The following GRM7 variants were observed in gnomAD, a reference collection of about 807,000 sequenced individuals.
The protein encoded by GRM7 is metabotropic glutamate receptor 7.
Under a neutral mutation model 84.5 loss-of-function variants are expected in GRM7, and 35 were observed. The observed-to-expected ratio is 0.41, with a 90% confidence interval of 0.32 to 0.55. GRM7 has a LOEUF of 0.55. Among genes scored for constraint, GRM7 ranks in the 20% least tolerant of loss-of-function variants. The pLI is 0.19. For missense variants in GRM7, 1,003 were observed against 1,194.6 expected, an observed-to-expected ratio of 0.84 and a Z score of 2.36; for synonymous variants, 487 against 455.1, an observed-to-expected ratio of 1.07 and a Z score of -0.89.
At chr3:7,237,338 T>C (rs1697382145) in intron 2 of GRM7, among the ~76,000 whole-genome samples, 1 of 152,182 alleles carries the variant, frequency 6.6e-6, no homozygotes, top group Non-Finnish European at 1.5e-5. Flanking sequence ...AGCTAGTGAA[T>C]AATCATTATT....
intron 7 of GRM7, among the ~76,000 whole-genome samples, chr3:7,527,554 A>C (rs1197319347): frequency 2.0e-5 from 3 of 152,000 alleles, no homozygotes; most frequent in African/African-American, 7.2e-5. Flanking sequence ...TAGGACTTCC[A>C]GTATTAACAT....
intron 7 of GRM7, among the ~76,000 whole-genome samples, chr3:7,490,599 G>A (rs187421583): frequency 0.014 from 2,023 of 142,606 alleles, 37 homozygotes; most frequent in African/African-American, 0.047. Context: ...TATCCCCTTA[G>A]TGCCCCTCGA....
chr3:7,730,147 A>G (rs147494580), intron 9 of GRM7, among the ~76,000 whole-genome samples: 1,683 of 145,584 alleles, frequency 0.012, 22 homozygotes, highest in Middle Eastern at 0.022. Context: ...TGCTGGGATT[A>G]CAGGCGCCCA....
At position 7,360,867 on chromosome 3, in the gene GRM7, C is replaced by T. The variant is rs530786262; in HGVS notation, c.1034-54156C>T. On this transcript the variant is annotated intron_variant, in intron 4 of 9. Transcript: ENST00000357716. ...TCTTTTCTTCCTTTCTTCCTTTATT[C>T]TCTTTTTTTCCTGTCCCATGAAATC... 7.9e-5 allele frequency among the ~76,000 whole-genome samples: 12 copies of T among 152,200 alleles called. No individual in the cohort carries two copies. In the East Asian group the frequency reaches 2.3e-3, roughly 29 times the overall value.
intron 1 of GRM7, among the ~76,000 whole-genome samples, chr3:7,140,944 A>C (rs1693926069): frequency 1.3e-5 from 2 of 151,982 alleles, no homozygotes; most frequent in Non-Finnish European, 2.9e-5. Context: ...TCTAAATCTA[A>C]AGAAATGTCC....
intron 9 of GRM7, among the ~76,000 whole-genome samples, chr3:7,734,252 G>GT (rs775153985): frequency 1.8e-5 from 2 of 110,152 alleles, no homozygotes; most frequent in Non-Finnish European, 3.8e-5. Context: ...AGGGGCGGGG[G>GT]GGGGGTTTCC....
Position 6,998,163 on chromosome 3 carries a change from C to A in GRM7, c.519+136256C>A, listed in dbSNP as rs1385542458. 1.8e-4 allele frequency among the ~76,000 whole-genome samples: 19 copies of A among 105,886 alleles called. 1 individual carries two copies. The highest frequency in any genetic ancestry group is 5.6e-4 in the African/African-American group (16 of 28,578). 69.5% of individuals were successfully genotyped at this position (105,886 alleles called of 152,430 possible). A position where few individuals can be genotyped will look rare whatever the true frequency, so the allele number is the denominator to read the frequency against. ...AAGCAGGTTAGTTACCTCCTAGATA[C>A]AATGAGGGTACAGGCATTGGTTAAA... is the stretch of plus-strand genomic sequence containing the variant. On this transcript the variant is annotated intron_variant, in intron 1 of 9. Transcript: ENST00000357716.
At chr3:7,423,724 T>A (rs1696491199) in intron 5 of GRM7, among the ~76,000 whole-genome samples, 2 of 151,924 alleles carry the variant, frequency 1.3e-5, no homozygotes, top group Admixed American at 1.3e-4. Flanking sequence ...TATTTATTTT[T>A]CTACAGAATA....
chr3:7,215,856 C>A (rs1248460427), intron 2 of GRM7, among the ~76,000 whole-genome samples: 1 of 152,102 alleles, frequency 6.6e-6, no homozygotes, highest in East Asian at 1.9e-4. Flanking sequence ...AACACAACGT[C>A]TTAGAAAATT....
At chr3:7,217,236 A>G (rs1696644901) in intron 2 of GRM7, among the ~76,000 whole-genome samples, 1 of 152,192 alleles carries the variant, frequency 6.6e-6, no homozygotes, top group Non-Finnish European at 1.5e-5. Context: ...GAGTCTGCTG[A>G]TGTGATTCAG....
chr3:7,382,586 A>C (rs1694632139), intron 4 of GRM7, among the ~76,000 whole-genome samples: 1 of 152,216 alleles, frequency 6.6e-6, no homozygotes, highest in African/African-American at 2.4e-5. Flanking sequence ...TTCACTCTGA[A>C]TAATAACTGG....
chr3:6,936,350 A>G (rs937722940), intron 1 of GRM7, among the ~76,000 whole-genome samples: 12 of 152,140 alleles, frequency 7.9e-5, no homozygotes, highest in Admixed American at 2.0e-4. Flanking sequence ...TTTTCCAATA[A>G]GTTCCAAAGA....
intron 7 of GRM7, among the ~76,000 whole-genome samples, chr3:7,490,727 G>T (rs975787581): frequency 2.0e-5 from 3 of 152,094 alleles, no homozygotes; most frequent in African/African-American, 7.2e-5. Flanking sequence ...TGTTAAAAAA[G>T]TTTTGAGAAA....
intron 1 of GRM7, among the ~76,000 whole-genome samples, chr3:7,122,244 A>C (rs1246262136): frequency 6.6e-6 from 1 of 152,154 alleles, no homozygotes; most frequent in Non-Finnish European, 1.5e-5. Context: ...CTATTTGCAG[A>C]CATCTTGGCA....
chr3:7,184,884 T>A (rs186624933), intron 2 of GRM7, among the ~76,000 whole-genome samples: 1 of 152,246 alleles, frequency 6.6e-6, no homozygotes, highest in Non-Finnish European at 1.5e-5. Flanking sequence ...CTCACCTAAT[T>A]GCCAGTAATA....
At chr3:7,257,050 A>G (rs1056195025) in intron 2 of GRM7, among the ~76,000 whole-genome samples, 1 of 152,160 alleles carries the variant, frequency 6.6e-6, no homozygotes, top group Non-Finnish European at 1.5e-5. Flanking sequence ...GGATTTTCCC[A>G]TTTCCTGCCT....
At position 7,537,824 on chromosome 3, in the gene GRM7, C is replaced by T. The variant is rs183824348; in HGVS notation, c.1516-40598C>T. Among the ~76,000 whole-genome samples, 3 of 152,290 alleles carry T rather than the reference C, an allele frequency of 2.0e-5. No individual in the cohort carries two copies. In the East Asian group the frequency reaches 5.8e-4, roughly 29 times the overall value. On this transcript the variant is annotated intron_variant, in intron 7 of 9. Transcript: ENST00000357716. ...TATATCTTCAGATGAGAAAGTCTAT[C>T]GCTTTTGACTAATAGGCCCACTAAA...
chr3:6,956,822 G>C (rs1161685662), intron 1 of GRM7, among the ~76,000 whole-genome samples: 1 of 152,072 alleles, frequency 6.6e-6, no homozygotes, highest in African/African-American at 2.4e-5. Context: ...TGAAGGGAGA[G>C]GCTAATCTTT....
intron 1 of GRM7, among the ~76,000 whole-genome samples, chr3:6,885,268 A>G (rs1366830141): frequency 1.3e-5 from 2 of 152,088 alleles, no homozygotes; most frequent in Non-Finnish European, 2.9e-5. Context: ...GAGCAGGGCT[A>G]CCCCCTAGGC....
Sources: allele counts gnomAD v4.1 joint callset (sites outside exome capture counted in the v4.1 genomes callset), GRCh38; gene constraint gnomAD v4.1.1; transcripts MANE v1.5; gene names NCBI Gene and HGNC (gene_info 2026-07-23, HGNC 2026-07-21).